Variants in ATP9A observed in about 807,000 individuals in gnomAD.
ATP9A encodes ATPase phospholipid transporting 9A.
Under a neutral mutation model 144.1 loss-of-function variants are expected in ATP9A, and 52 were observed. That is an observed-to-expected ratio of 0.36 (90% CI 0.29 to 0.45). ATP9A has a LOEUF of 0.45. Ranked by LOEUF, ATP9A falls within the 20% of genes least tolerant of loss-of-function variation. The pLI is 1.00. For synonymous variants in ATP9A, 582 were observed against 557.4 expected, an observed-to-expected ratio of 1.04 and a Z score of -0.62; for missense variants, 947 against 1,392.7, an observed-to-expected ratio of 0.68 and a Z score of 5.09.
chr20:51,681,553 C>G (rs1342782197), intron 9 of ATP9A, among the ~76,000 whole-genome samples: 1 of 151,486 alleles, frequency 6.6e-6, no homozygotes, highest in East Asian at 1.9e-4. Flanking sequence ...TCCCAAGTAA[C>G]TGGGACTACA....
rs6091355 is a variant in ATP9A at position 51,725,708 on chromosome 20, C to T, written c.327+111G>A. On this transcript the variant is annotated intron_variant, in intron 3 of 27. Transcript: ENST00000338821. ...CCCAATGTATTGGCCTAAGGGCATCCTTTCCCTTACAAGGCCACCATCCCA... is the reference window on the plus strand; with the variant it reads ...CCCAATGTATTGGCCTAAGGGCATCTTTTCCCTTACAAGGCCACCATCCCA... The T allele has an allele frequency of 1.6e-5, 12 of 749,826 alleles. 1 individual carries two copies. Among genetic ancestry groups the T allele is most frequent in the Non-Finnish European group, 2.5e-5 (11 of 431,430 alleles). 46.4% of individuals were successfully genotyped at this position (749,826 alleles called of 1,614,324 possible). A position where few individuals can be genotyped will look rare whatever the true frequency, so the allele number is the denominator to read the frequency against.
At chr20:51,623,514 C>T (rs1474862521) in intron 18 of ATP9A, among the ~76,000 whole-genome samples, 1 of 152,186 alleles carries the variant, frequency 6.6e-6, no homozygotes, top group Admixed American at 6.5e-5. Flanking sequence ...GGCGCGGTGG[C>T]TTACGCCTAT....
intron 1 of ATP9A, among the ~76,000 whole-genome samples, chr20:51,751,086 G>A (rs553861314): frequency 4.6e-5 from 7 of 152,062 alleles, no homozygotes; most frequent in Non-Finnish European, 8.8e-5. Flanking sequence ...GCATCAGGAA[G>A]GAAGAATTCC....
intron 14 of ATP9A, among the ~76,000 whole-genome samples, chr20:51,651,689 G>A (rs575672204): frequency 1.7e-4 from 26 of 152,174 alleles, no homozygotes; most frequent in East Asian, 5.8e-4. Context: ...AGCACTTTGG[G>A]AGGCTGAGGT....
intron 13 of ATP9A, among the ~76,000 whole-genome samples, chr20:51,666,289 C>G (rs1402233255): frequency 1.3e-5 from 2 of 152,140 alleles, no homozygotes; most frequent in African/African-American, 2.4e-5. Context: ...TCTGGAAACA[C>G]CTGGTTCACC....
intron 1 of ATP9A, among the ~76,000 whole-genome samples, chr20:51,751,817 T>C (rs2077833393): frequency 6.6e-6 from 1 of 152,062 alleles, no homozygotes; most frequent in Non-Finnish European, 1.5e-5. Flanking sequence ...CTCGATCTCC[T>C]GACCTCGTGA....
chr20:51,743,492 C>G (rs980388499), intron 1 of ATP9A, among the ~76,000 whole-genome samples: 2 of 145,650 alleles, frequency 1.4e-5, no homozygotes, highest in East Asian at 4.1e-4. Flanking sequence ...CTCTGCCTCC[C>G]GGATTCAAGC....
intron 15 of ATP9A, among the ~76,000 whole-genome samples, chr20:51,638,385 T>C (rs927725204): frequency 6.6e-6 from 1 of 150,722 alleles, no homozygotes. Flanking sequence ...CGAAGCTAAA[T>C]GATGTGAGGA....
intron 12 of ATP9A, among the ~76,000 whole-genome samples, 194 bp from the exon 13 acceptor site, chr20:51,670,303 G>C (rs2077450654): frequency 2.6e-5 from 4 of 152,176 alleles, no homozygotes; most frequent in African/African-American, 9.6e-5. Context: ...TGGCTTCCTA[G>C]CTTTCCCAGG....
intron 1 of ATP9A, among the ~76,000 whole-genome samples, chr20:51,760,480 A>C (rs2077874447): frequency 6.6e-6 from 1 of 152,170 alleles, no homozygotes. Context: ...TAATCCCAGC[A>C]CTTTGGGAGG....
chr20:51,696,690 T>C (rs2077572101), intron 5 of ATP9A, among the ~76,000 whole-genome samples: 1 of 152,228 alleles, frequency 6.6e-6, no homozygotes, highest in South Asian at 2.1e-4. Flanking sequence ...GGGGGTTGTG[T>C]GGTTCTTCTG....
Position 51,610,185 on chromosome 20 carries a change from G to T in ATP9A, c.2572-20C>A. 6.3e-7 allele frequency: 1 copy of T among 1,584,260 alleles called. No individual in the cohort carries two copies. On this transcript the variant is annotated intron_variant, in intron 23 of 27. Coordinates refer to ENST00000338821, the MANE Select transcript of ATP9A (RefSeq NM_006045.3). ...GACAGCCTGTGCCAAGGAGAGAGGA[G>T]GATGTCACCAAAAGTCATGACAAAA...
chr20:51,736,448 T>A (rs1001624789), intron 1 of ATP9A, among the ~76,000 whole-genome samples: 2 of 152,168 alleles, frequency 1.3e-5, no homozygotes, highest in Non-Finnish European at 2.9e-5. Flanking sequence ...GGTATAGGGT[T>A]TCTTTTTATG....
chr20:51,710,144 A>G (rs985315606), intron 4 of ATP9A, among the ~76,000 whole-genome samples: 12 of 152,252 alleles, frequency 7.9e-5, no homozygotes, highest in African/African-American at 2.6e-4. Context: ...TCTACTAAAA[A>G]TACAAAAAAT....
At chr20:51,639,894 T>A (rs2077311415) in intron 14 of ATP9A, among the ~76,000 whole-genome samples, 1 of 152,156 alleles carries the variant, frequency 6.6e-6, no homozygotes, top group African/African-American at 2.4e-5. Flanking sequence ...GAGACCAGCC[T>A]GGCCAATATG....
chr20:51,618,641 C>A, intron 21 of ATP9A, 21 bp downstream of exon 21: 1 of 1,603,464 alleles, frequency 6.2e-7, no homozygotes, highest in Non-Finnish European at 8.5e-7. Context: ...GGGCCAGCAG[C>A]ACAGCCTGAG....
intron 15 of ATP9A, among the ~76,000 whole-genome samples, chr20:51,636,870 G>C (rs963378191): frequency 1.3e-5 from 2 of 152,228 alleles, no homozygotes; most frequent in Non-Finnish European, 2.9e-5. Context: ...TGGGCGGATT[G>C]CTTGATGTCA....
Position 51,627,585 on chromosome 20 carries a change from C to A in ATP9A, c.1845+15G>T. The A allele has an allele frequency of 6.2e-7, 1 of 1,612,882 alleles. No individual in the cohort carries two copies. Among genetic ancestry groups the A allele is most frequent in the Non-Finnish European group, 8.5e-7 (1 of 1,178,886 alleles). Reference sequence around the variant, plus strand: ...GGGGCTGCAAAGGCAATGGAAAGGTCCCAGAACAACTTACTTCAAAGTCCT... The same window carrying A: ...GGGGCTGCAAAGGCAATGGAAAGGTACCAGAACAACTTACTTCAAAGTCCT... On this transcript the variant is annotated intron_variant, in intron 17 of 27. Coordinates refer to ENST00000338821, the MANE Select transcript of ATP9A (RefSeq NM_006045.3).
At chr20:51,765,200 A>T (rs1409114171) in intron 1 of ATP9A, among the ~76,000 whole-genome samples, 1 of 152,092 alleles carries the variant, frequency 6.6e-6, no homozygotes, top group Non-Finnish European at 1.5e-5. Context: ...GTTCTATTTC[A>T]GGAAGCTCCT....
Sources: allele counts gnomAD v4.1 joint callset (sites outside exome capture counted in the v4.1 genomes callset), GRCh38; gene constraint gnomAD v4.1.1; transcripts MANE v1.5; gene names NCBI Gene and HGNC (gene_info 2026-07-23, HGNC 2026-07-21).